Variants in CNOT10 observed in about 807,000 individuals in gnomAD.
The protein encoded by CNOT10 is CCR4-NOT transcription complex subunit 10.
Under a neutral mutation model 94.6 loss-of-function variants are expected in CNOT10, and 30 were observed. The ratio of observed to expected loss-of-function variants is 0.32; its 90% CI spans 0.24 to 0.43. The LOEUF is 0.43. Among genes scored for constraint, CNOT10 ranks in the 20% least tolerant of loss-of-function variants. The probability of loss-of-function intolerance (pLI) is 1.00; values close to 1 mark genes in which losing one functional copy is unlikely to be tolerated. For synonymous variants in CNOT10, 289 were observed against 301.6 expected (o/e 0.96, Z 0.43); for missense variants, 759 against 877.2 (o/e 0.87, Z 1.70).
intron 1 of CNOT10, among the ~76,000 whole-genome samples, chr3:32,688,483 G>C (rs1696719831): frequency 6.6e-6 from 1 of 152,078 alleles, no homozygotes. Flanking sequence ...TGTAATCCCA[G>C]CTAGCTGGGA....
At position 32,695,615 on chromosome 3, in the gene CNOT10, T is replaced by C. The variant is rs993614792; in HGVS notation, c.23-8253T>C. ...CTTAGTTCAAACCTAAAGGCAATTG[T>C]TTATTTAGAAATGAAGTCTATTGGT... On this transcript the variant is annotated intron_variant, in intron 1 of 18. Transcript: ENST00000328834. 3.3e-6 allele frequency: 5 copies of C among 1,535,552 alleles called. 1 individual carries two copies.
In CNOT10 at chr3:32,732,338, C is replaced by T. The variant is rs139364288; in HGVS notation, c.1216-1085C>T. Reference sequence around the variant, plus strand: ...TCAGGAGGTGAAGGTTGCAGTGAGCCGAGACAACACCGCTGCACCCAAGCC... The same window carrying T: ...TCAGGAGGTGAAGGTTGCAGTGAGCTGAGACAACACCGCTGCACCCAAGCC... On this transcript the variant is annotated intron_variant, in intron 10 of 18. Transcript: ENST00000328834. Among the ~76,000 whole-genome samples the T allele has an allele frequency of 1.0e-3, 152 of 151,836 alleles. 5 individuals carry two copies. In the East Asian group the frequency reaches 0.025, roughly 25 times the overall value.
At chr3:32,741,048 C>T (rs1699440343) in intron 13 of CNOT10, among the ~76,000 whole-genome samples, 1 of 151,958 alleles carries the variant, frequency 6.6e-6, no homozygotes. Context: ...ATATTGCCCT[C>T]TTATAGCCAT....
rs1700083262 is a variant in CNOT10 at position 32,754,004 on chromosome 3, G to A, written c.1596-5454G>A. 24 of 569,752 alleles carry A rather than the reference G, an allele frequency of 4.2e-5. 1 individual carries two copies. The South Asian group carries it at 5.2e-4, about 12-fold the overall frequency. 35.3% of individuals were successfully genotyped at this position (569,752 alleles called of 1,614,324 possible). On this transcript the variant is annotated intron_variant, in intron 13 of 18. Coordinates refer to ENST00000328834, the MANE Select transcript of CNOT10 (RefSeq NM_015442.3). ...CCCAGTTACTGGGAAGGCCACCAAG[G>A]CAGGAGAATTGCTTGAACCCAGGAG...
At chr3:32,746,029 A>T (rs1036319814) in intron 13 of CNOT10, among the ~76,000 whole-genome samples, 1 of 152,232 alleles carries the variant, frequency 6.6e-6, no homozygotes, top group Admixed American at 6.5e-5. Flanking sequence ...GTTAACATGG[A>T]TGAATCTCAA....
At chr3:32,729,026 G>A (rs891024534) in intron 10 of CNOT10, among the ~76,000 whole-genome samples, 1 of 152,182 alleles carries the variant, frequency 6.6e-6, no homozygotes, top group African/African-American at 2.4e-5. Context: ...AACCCAGGAG[G>A]CGGAGCTTGC....
intron 7 of CNOT10, among the ~76,000 whole-genome samples, chr3:32,719,859 C>G (rs1698291958): frequency 6.6e-6 from 1 of 152,166 alleles, no homozygotes; most frequent in Non-Finnish European, 1.5e-5. Context: ...AATCTACAGA[C>G]TGTATTCTTA....
At chr3:32,700,493 C>T (rs1326531344) in intron 1 of CNOT10, among the ~76,000 whole-genome samples, 3 of 152,166 alleles carry the variant, frequency 2.0e-5, no homozygotes, top group African/African-American at 4.8e-5. Context: ...ACCTGCCTCC[C>T]GTCTGTATGT....
chr3:32,709,537 C>T (rs1697773949), intron 4 of CNOT10, among the ~76,000 whole-genome samples: 1 of 152,262 alleles, frequency 6.6e-6, no homozygotes, highest in South Asian at 2.1e-4. Context: ...GGTATGATAG[C>T]GCTCTGTGGT....
At chr3:32,758,276 T>G (rs911205599) in intron 13 of CNOT10, among the ~76,000 whole-genome samples, 4 of 152,212 alleles carry the variant, frequency 2.6e-5, no homozygotes, top group African/African-American at 9.6e-5. Flanking sequence ...AACCTCAATT[T>G]CGTTATGCTT....
chr3:32,743,526 C>A (rs112792256), intron 13 of CNOT10, among the ~76,000 whole-genome samples: 2 of 151,898 alleles, frequency 1.3e-5, no homozygotes, highest in Non-Finnish European at 1.5e-5. Flanking sequence ...CCCAGCTACA[C>A]GGGAGGCTGA....
intron 12 of CNOT10, among the ~76,000 whole-genome samples, chr3:32,735,445 C>A (rs758171810): frequency 6.6e-6 from 1 of 152,122 alleles, no homozygotes; most frequent in Admixed American, 6.6e-5. Context: ...TGGGGGCTCA[C>A]GCCTGTAATC....
At chr3:32,762,649 A>C in intron 14 of CNOT10, 84 bp from the exon 15 acceptor site, 5 of 1,378,492 alleles carry the variant, frequency 3.6e-6, no homozygotes, top group Non-Finnish European at 4.0e-6. Flanking sequence ...AATGTATAAT[A>C]ACATAATATA....
intron 11 of CNOT10, 62 bp downstream of exon 11, chr3:32,733,606 A>T: frequency 2.7e-6 from 3 of 1,131,340 alleles, no homozygotes; most frequent in Non-Finnish European, 3.7e-6. Flanking sequence ...AATGTTACTT[A>T]TATATAAAAG....
At chr3:32,696,458 T>C (rs901576114) in intron 1 of CNOT10, among the ~76,000 whole-genome samples, 16 of 152,184 alleles carry the variant, frequency 1.1e-4, no homozygotes, top group Non-Finnish European at 1.9e-4. Context: ...ATTTTCATCC[T>C]GAAGTTAAAG....
At chr3:32,751,275 T>A (rs1241467764) in intron 13 of CNOT10, among the ~76,000 whole-genome samples, 1 of 142,286 alleles carries the variant, frequency 7.0e-6, no homozygotes. Context: ...TAATTTTTAA[T>A]TTTTTTTTTT....
intron 5 of CNOT10, among the ~76,000 whole-genome samples, chr3:32,714,043 T>C (rs1698007558): frequency 6.6e-6 from 1 of 152,178 alleles, no homozygotes; most frequent in South Asian, 2.1e-4. Flanking sequence ...AGGAATAGAA[T>C]CACTGGGTTA....
chr3:32,713,239 C>T lies in CNOT10; in HGVS notation c.443C>T (p.Ala148Val). 1 of 1,569,742 alleles carries T rather than the reference C, an allele frequency of 6.4e-7. No individual in the cohort carries two copies. Among genetic ancestry groups the T allele is most frequent in the Non-Finnish European group, 8.6e-7 (1 of 1,167,126 alleles). ...TTTTTTCTCCCAGAAGAAAAATTTG[C>T]CCAAGCAGTGTGTTTTTTGCTTGTA... Reference protein sequence around the residue: ...QFIEPFEEKFAQAVCFLLVDL... With the variant: ...QFIEPFEEKFVQAVCFLLVDL... Residue 148 changes from alanine to valine, a missense_variant, in exon 5 of 19, where the codon GCC becomes GTC. Ala to Val is a moderately conservative substitution (Grantham distance 64). Around this residue, in one of 3 missense-constraint regions of CNOT10, gnomAD observed 682 missense variants for 799.4 expected, o/e 0.85. Coordinates refer to ENST00000328834, the MANE Select transcript of CNOT10 (RefSeq NM_015442.3).
intron 4 of CNOT10, among the ~76,000 whole-genome samples, chr3:32,712,439 A>AT (rs538050037): frequency 2.0e-5 from 3 of 151,882 alleles, no homozygotes; most frequent in South Asian, 2.1e-4. Context: ...CAGATTTGGG[A>AT]TTTTTTTTAA....
Sources: allele counts gnomAD v4.1 joint callset (sites outside exome capture counted in the v4.1 genomes callset), GRCh38; gene constraint gnomAD v4.1.1; regional missense constraint gnomAD v4.1.1; transcripts MANE v1.5; gene names NCBI Gene and HGNC (gene_info 2026-07-23, HGNC 2026-07-21).